CSMD1: variants seen among roughly 807,000 people sequenced by gnomAD.
The protein encoded by CSMD1 is CUB and Sushi multiple domains 1, also known as CUB and sushi domain-containing protein 1.
CSMD1 carries 213 observed loss-of-function variants against 417.5 expected under a neutral mutation model. The ratio of observed to expected loss-of-function variants is 0.51; its 90% confidence interval spans 0.46 to 0.57. CSMD1 has a LOEUF of 0.57. CSMD1 is among the 20% of genes least tolerant of loss of function. The probability of loss-of-function intolerance (pLI) is 0.00; values close to 1 mark genes in which losing one functional copy is unlikely to be tolerated. For synonymous variants in CSMD1, 2,862 were observed against 1,736.8 expected (o/e 1.65, Z -16.11); for missense variants, 6,923 against 4,529.7 (o/e 1.53, Z -15.17).
At chr8:4,633,053 G>A (rs1802615293) in intron 2 of CSMD1, among the ~76,000 whole-genome samples, 1 of 152,120 alleles carries the variant, frequency 6.6e-6, no homozygotes, top group Non-Finnish European at 1.5e-5. Context: ...GCCGGAGATA[G>A]AAGCCAGGGC....
intron 26 of CSMD1, among the ~76,000 whole-genome samples, chr8:3,257,557 T>G (rs1049487025): frequency 2.0e-5 from 3 of 152,050 alleles, no homozygotes; most frequent in African/African-American, 7.2e-5. Context: ...TGGGGGGCAG[T>G]TGGTGGTGAT....
At chr8:4,456,019 G>A (rs1470705838) in intron 2 of CSMD1, among the ~76,000 whole-genome samples, 2 of 116,160 alleles carry the variant, frequency 1.7e-5, no homozygotes, top group Non-Finnish European at 3.3e-5. Context: ...CCTTAACACA[G>A]TCCATTCTCC....
intron 10 of CSMD1, among the ~76,000 whole-genome samples, chr8:3,557,980 T>A (rs117231258): frequency 6.6e-6 from 1 of 152,266 alleles, no homozygotes; most frequent in Non-Finnish European, 1.5e-5. Flanking sequence ...CAATGATGAA[T>A]GGTGCCTCAG....
At chr8:3,777,593 A>C (rs1798960613) in intron 5 of CSMD1, among the ~76,000 whole-genome samples, 1 of 152,212 alleles carries the variant, frequency 6.6e-6, no homozygotes, top group South Asian at 2.1e-4. Context: ...ATACGGAAGC[A>C]GTCTCAGAAT....
intron 5 of CSMD1, among the ~76,000 whole-genome samples, chr8:3,993,810 T>C (rs1174894586): frequency 6.6e-6 from 1 of 152,238 alleles, no homozygotes; most frequent in East Asian, 1.9e-4. Flanking sequence ...TTGTTTCACT[T>C]GCATTATTTA....
chr8:4,729,389 GA>G (rs1180596068), intron 1 of CSMD1, among the ~76,000 whole-genome samples: 1 of 151,990 alleles, frequency 6.6e-6, no homozygotes, highest in Non-Finnish European at 1.5e-5. Context: ...TGGAAGAAAT[GA>G]AAAAAGGGGA....
At chr8:4,519,612 T>C (rs189848133) in intron 2 of CSMD1, among the ~76,000 whole-genome samples, 2 of 150,952 alleles carry the variant, frequency 1.3e-5, no homozygotes, top group South Asian at 2.1e-4. Flanking sequence ...TGGTTGCAGG[T>C]ACCTATAATC....
intron 1 of CSMD1, among the ~76,000 whole-genome samples, chr8:4,791,290 G>T (rs1049072936): frequency 6.6e-6 from 1 of 152,150 alleles, no homozygotes; most frequent in Non-Finnish European, 1.5e-5. Context: ...ACGAAGGTGG[G>T]CCTCTTTCCA....
At chr8:4,404,320 G>C (rs1804862135) in intron 3 of CSMD1, among the ~76,000 whole-genome samples, 1 of 152,006 alleles carries the variant, frequency 6.6e-6, no homozygotes, top group Admixed American at 6.6e-5. Flanking sequence ...TGTTTATGAT[G>C]TGGCTTTCTC....
chr8:4,436,016 G>A (rs1798130578), intron 2 of CSMD1, among the ~76,000 whole-genome samples: 1 of 152,108 alleles, frequency 6.6e-6, no homozygotes, highest in South Asian at 2.1e-4. Flanking sequence ...TTCATACGCA[G>A]CAGCTTGTTA....
chr8:4,679,298 G>A (rs894082078), intron 1 of CSMD1, among the ~76,000 whole-genome samples: 1 of 152,126 alleles, frequency 6.6e-6, no homozygotes, highest in South Asian at 2.1e-4. Flanking sequence ...CTCTGCAGAT[G>A]CATGAAGGGC....
intron 5 of CSMD1, among the ~76,000 whole-genome samples, chr8:3,901,270 G>A (rs1244100593): frequency 6.6e-6 from 1 of 152,050 alleles, no homozygotes; most frequent in Non-Finnish European, 1.5e-5. Context: ...AGGTTTCTTT[G>A]ATTTTTCCAC....
intron 7 of CSMD1, among the ~76,000 whole-genome samples, chr8:3,678,081 C>T (rs1459254796): frequency 6.6e-6 from 1 of 152,114 alleles, no homozygotes; most frequent in East Asian, 1.9e-4. Context: ...ATAGGAACAG[C>T]TCCAGTCTAC....
At chr8:3,863,502 T>A (rs1387339641) in intron 5 of CSMD1, among the ~76,000 whole-genome samples, 3 of 151,214 alleles carry the variant, frequency 2.0e-5, no homozygotes, top group African/African-American at 7.3e-5. Context: ...ACGAACCACA[T>A]CAGATATTGG....
At chr8:4,203,576 C>G (rs987837400) in intron 3 of CSMD1, among the ~76,000 whole-genome samples, 29 of 152,008 alleles carry the variant, frequency 1.9e-4, no homozygotes, top group African/African-American at 6.5e-4. Context: ...GTCAGTGTAG[C>G]TGGGAGACTT....
chr8:4,921,702 G>T (rs780911371), intron 1 of CSMD1, among the ~76,000 whole-genome samples: 2 of 152,132 alleles, frequency 1.3e-5, no homozygotes, highest in Non-Finnish European at 2.9e-5. Flanking sequence ...ACAGGAATGT[G>T]TATGCAATGT....
chr8:4,457,516 C>G (rs186981293), intron 2 of CSMD1, among the ~76,000 whole-genome samples: 7 of 152,122 alleles, frequency 4.6e-5, no homozygotes, highest in African/African-American at 1.7e-4. Context: ...TCTGGACATA[C>G]CCATGTAATT....
chr8:3,442,400 G>T (rs1193169714), intron 12 of CSMD1, among the ~76,000 whole-genome samples: 1 of 152,090 alleles, frequency 6.6e-6, no homozygotes, highest in African/African-American at 2.4e-5. Flanking sequence ...CATCCTGCAA[G>T]CTCTATTCAT....
At chr8:4,293,998 T>C (rs1385988121) in intron 3 of CSMD1, among the ~76,000 whole-genome samples, 4 of 152,160 alleles carry the variant, frequency 2.6e-5, no homozygotes, top group African/African-American at 9.7e-5. Context: ...ATAGTGTGTA[T>C]AAAAAGTTTT....
Sources: allele counts gnomAD v4.1 joint callset (sites outside exome capture counted in the v4.1 genomes callset), GRCh38; gene constraint gnomAD v4.1.1; transcripts MANE v1.5; gene names NCBI Gene and HGNC (gene_info 2026-07-23, HGNC 2026-07-21).